WHRN: variants seen among roughly 807,000 people sequenced by gnomAD.
WHRN encodes the protein whirlin.
A neutral mutation model predicts 68.3 loss-of-function variants in WHRN; 41 were observed. The ratio of observed to expected loss-of-function variants is 0.60; its 90% CI spans 0.47 to 0.78. The LOEUF is 0.78. Among genes scored for constraint, WHRN ranks in the 30% least tolerant of loss-of-function variants. The pLI, the probability that WHRN is intolerant of heterozygous loss-of-function variation, is 0.00. For missense variants in WHRN, 1,243 were observed against 1,244.7 expected, an observed-to-expected ratio of 1.00 and a Z score of 0.02; for synonymous variants, 560 against 561.3, an observed-to-expected ratio of 1.00 and a Z score of 0.03.
Position 114,504,552 on chromosome 9 carries a change from T to A in WHRN, c.250A>T (p.Ser84Cys). ...LVRTLRVLLD[S>C]PVKRRLLPML... ...GGCAGCAGGCGCCGCTTGACCGGAC[T>A]GTCCAGCAGCACGCGCAGGGTGCGC... Residue 84 changes from serine (S) to cysteine (C), a missense_variant, in exon 1 of 12, where the codon AGT (serine) becomes TGT (cysteine). Ser to Cys is a moderately radical substitution (Grantham distance 112). Coordinates refer to ENST00000362057, the MANE Select transcript of WHRN (RefSeq NM_015404.4). 1 of 1,611,252 alleles carries A rather than the reference T, an allele frequency of 6.2e-7. No homozygotes were observed. Among genetic ancestry groups the A allele is most frequent in the East Asian group, 2.2e-5 (1 of 44,878 alleles).
At chr9:114,406,936 A>G in intron 8 of WHRN, 44 bp from the exon 9 acceptor site, 1 of 1,549,546 alleles carries the variant, frequency 6.5e-7, no homozygotes, top group Non-Finnish European at 8.7e-7. Flanking sequence ...AGACCCCATC[A>G]CGCCTGGAAG....
intron 10 of WHRN, 110 bp downstream of exon 10, chr9:114,403,786 C>T (rs1383574120): frequency 1.5e-6 from 2 of 1,338,996 alleles, no homozygotes; most frequent in Non-Finnish European, 2.1e-6. Context: ...GAGCTCACTA[C>T]CTCCCTTTGT....
intron 3 of WHRN, among the ~76,000 whole-genome samples, chr9:114,428,183 C>T (rs1837055752): frequency 6.6e-6 from 1 of 152,114 alleles, no homozygotes; most frequent in East Asian, 1.9e-4. Flanking sequence ...CAAAAATTAG[C>T]CCGGCGAGGT....
Position 114,448,642 on chromosome 9 carries a change from C to T in WHRN, c.963+17625G>A, listed in dbSNP as rs1341106039. ...CCCAGCACCTATCCCCTGGAAAGCC[C>T]CCCTAAGCCACCATTCTTAGAGGCA... On this transcript the variant is annotated intron_variant, in intron 3 of 11. Transcript: ENST00000362057. Among the ~76,000 whole-genome samples the T allele has an allele frequency of 4.6e-5, 7 of 152,256 alleles. No homozygotes were observed. The South Asian group carries it at 1.5e-3, about 32-fold the overall frequency.
In WHRN at chr9:114,504,996, A is replaced by G. The variant is rs1382182252; in HGVS notation, c.-195T>C. ...CGCTGCTAGAGTCCCGGAGGCGCGA[A>G]GACGGCGGGGGTCGCGAACCTGGAA... is the stretch of plus-strand genomic sequence containing the variant. On this transcript the variant is annotated 5_prime_UTR_variant, in exon 1 of 12. Coordinates refer to ENST00000362057, the MANE Select transcript of WHRN (RefSeq NM_015404.4). 1 of 784,182 alleles carries G rather than the reference A, an allele frequency of 1.3e-6. No individual in the cohort carries two copies. The highest frequency in any genetic ancestry group is 4.1e-4 in the Middle Eastern group (1 of 2,436). 48.6% of individuals were successfully genotyped at this position (784,182 alleles called of 1,614,324 possible). A position where few individuals can be genotyped will look rare whatever the true frequency, so the allele number is the denominator to read the frequency against.
At chr9:114,489,682 G>T (rs1403480230) in intron 1 of WHRN, among the ~76,000 whole-genome samples, 1 of 152,118 alleles carries the variant, frequency 6.6e-6, no homozygotes. Flanking sequence ...TTTAAAGCGG[G>T]GGTTAAACTA....
chr9:114,432,193 T>A (rs746878851), intron 3 of WHRN, among the ~76,000 whole-genome samples: 5 of 152,218 alleles, frequency 3.3e-5, no homozygotes, highest in Non-Finnish European at 5.9e-5. Flanking sequence ...ACTGAGTGAC[T>A]GGCTCATGTT....
intron 10 of WHRN, 105 bp downstream of exon 10, chr9:114,403,791 C>T: frequency 7.0e-7 from 1 of 1,421,896 alleles, no homozygotes; most frequent in Non-Finnish European, 9.8e-7. Flanking sequence ...CACTACCTCC[C>T]TTTGTGGTCA....
chr9:114,455,107 T>C (rs1034289396), intron 3 of WHRN, among the ~76,000 whole-genome samples: 8 of 152,214 alleles, frequency 5.3e-5, no homozygotes, highest in Admixed American at 1.3e-4. Context: ...GTTAGAGGAA[T>C]ATATAATACA....
intron 3 of WHRN, among the ~76,000 whole-genome samples, chr9:114,456,738 A>G (rs1218682943): frequency 6.6e-6 from 1 of 151,842 alleles, no homozygotes; most frequent in Non-Finnish European, 1.5e-5. Context: ...CTGAGGCAGG[A>G]GAATCGCTTG....
intron 3 of WHRN, among the ~76,000 whole-genome samples, chr9:114,446,728 A>C (rs1838850052): frequency 6.6e-6 from 1 of 152,170 alleles, no homozygotes; most frequent in Non-Finnish European, 1.5e-5. Context: ...TTCCCTGGAC[A>C]TCCCAAACTC....
At chr9:114,437,578 C>G (rs1837971904) in intron 3 of WHRN, among the ~76,000 whole-genome samples, 1 of 152,130 alleles carries the variant, frequency 6.6e-6, no homozygotes, top group Admixed American at 6.5e-5. Context: ...ACCTTCTAAT[C>G]CAATGGTGGG....
intron 3 of WHRN, among the ~76,000 whole-genome samples, chr9:114,438,719 G>A (rs1380933094): frequency 2.0e-5 from 3 of 151,894 alleles, no homozygotes; most frequent in African/African-American, 7.3e-5. Flanking sequence ...CCAAAGTGCT[G>A]GGATTACAGG....
At chr9:114,420,171 G>A (rs1299076819) in intron 7 of WHRN, among the ~76,000 whole-genome samples, 7 of 152,080 alleles carry the variant, frequency 4.6e-5, no homozygotes, top group South Asian at 2.1e-4. Flanking sequence ...AAATGCACAC[G>A]CGCACACACA....
At chr9:114,488,615 T>C (rs1056844118) in intron 1 of WHRN, among the ~76,000 whole-genome samples, 2 of 152,114 alleles carry the variant, frequency 1.3e-5, no homozygotes, top group Non-Finnish European at 2.9e-5. Context: ...CTTAGGGTCT[T>C]GAACCCCGAG....
chr9:114,487,187 AAT>A (rs953625750), intron 1 of WHRN, among the ~76,000 whole-genome samples: 6 of 142,116 alleles, frequency 4.2e-5, no homozygotes, highest in African/African-American at 1.7e-4. Flanking sequence ...ACCAAAAAAA[AAT>A]TTTTTTTTTT....
chr9:114,405,665 A>G (rs1219407120), intron 9 of WHRN, among the ~76,000 whole-genome samples: 1 of 152,208 alleles, frequency 6.6e-6, no homozygotes, highest in Non-Finnish European at 1.5e-5. Flanking sequence ...CTAGGCTGCG[A>G]GCGCCAGAGC....
chr9:114,410,357 A>C (rs1312338859), intron 7 of WHRN, among the ~76,000 whole-genome samples: 2 of 152,236 alleles, frequency 1.3e-5, no homozygotes, highest in Non-Finnish European at 2.9e-5. Flanking sequence ...AATGTTTATG[A>C]AGCAAACTGA....
intron 7 of WHRN, among the ~76,000 whole-genome samples, chr9:114,413,192 G>A (rs1230945594): frequency 6.6e-6 from 1 of 152,228 alleles, no homozygotes; most frequent in African/African-American, 2.4e-5. Context: ...CAGGAAGGGA[G>A]ATAAAGGCAG....
Sources: allele counts gnomAD v4.1 joint callset (sites outside exome capture counted in the v4.1 genomes callset), GRCh38; gene constraint gnomAD v4.1.1; transcripts MANE v1.5; gene names NCBI Gene and HGNC (gene_info 2026-07-23, HGNC 2026-07-21).